Variants in UBTD2 observed in about 807,000 individuals in gnomAD.
The protein encoded by UBTD2 is ubiquitin domain-containing protein 2.
A neutral mutation model predicts 19.8 loss-of-function variants in UBTD2; 9 were observed. The ratio of observed to expected loss-of-function variants is 0.46; its 90% CI spans 0.27 to 0.79. The LOEUF (loss-of-function observed/expected upper bound fraction) is 0.79. Among genes scored for constraint, UBTD2 ranks in the 30% least tolerant of loss-of-function variants. UBTD2 has a pLI of 0.14. For missense variants in UBTD2, 250 were observed against 300.4 expected, an observed-to-expected ratio of 0.83 and a Z score of 1.24; for synonymous variants, 98 against 103.9, an observed-to-expected ratio of 0.94 and a Z score of 0.35.
intron 1 of UBTD2, among the ~76,000 whole-genome samples, chr5:172,249,275 T>C (rs1021366562): frequency 6.6e-6 from 1 of 151,274 alleles, no homozygotes; most frequent in Non-Finnish European, 1.5e-5. Context: ...GGCATGTGCC[T>C]GTAATCCCAG....
chr5:172,237,041 T>C (rs906602163), intron 1 of UBTD2, among the ~76,000 whole-genome samples: 1 of 152,202 alleles, frequency 6.6e-6, no homozygotes, highest in African/African-American at 2.4e-5. Context: ...GAACAGATGA[T>C]GCGTTTATGT....
chr5:172,257,846 AT>A (rs1260222650), intron 1 of UBTD2, among the ~76,000 whole-genome samples: 2 of 152,050 alleles, frequency 1.3e-5, no homozygotes, highest in Non-Finnish European at 2.9e-5. Context: ...TCCTTTGCCC[AT>A]TTTTTAATGG....
chr5:172,252,842 T>C (rs909650101), intron 1 of UBTD2, among the ~76,000 whole-genome samples: 6 of 152,122 alleles, frequency 3.9e-5, no homozygotes, highest in African/African-American at 1.4e-4. Context: ...ATAAAACATA[T>C]TGGTATTTTG....
chr5:172,274,134 A>G (rs897456362), intron 1 of UBTD2, among the ~76,000 whole-genome samples: 1 of 104,604 alleles, frequency 9.6e-6, no homozygotes, highest in Non-Finnish European at 1.8e-5. Flanking sequence ...ATTTTGCTTT[A>G]CTTTTTTTTT....
chr5:172,214,769 G>A (rs528678551), intron 2 of UBTD2, among the ~76,000 whole-genome samples: 4 of 151,880 alleles, frequency 2.6e-5, no homozygotes, highest in South Asian at 2.1e-4. Context: ...TATTCTTTTC[G>A]GCACTTCTTT....
chr5:172,212,514 A>G (rs527701049), intron 2 of UBTD2, among the ~76,000 whole-genome samples: 2 of 152,346 alleles, frequency 1.3e-5, no homozygotes, highest in African/African-American at 4.8e-5. Flanking sequence ...TACTAATATT[A>G]TTAATGCTTA....
At chr5:172,249,965 T>C (rs1011010286) in intron 1 of UBTD2, among the ~76,000 whole-genome samples, 4 of 152,074 alleles carry the variant, frequency 2.6e-5, no homozygotes, top group Non-Finnish European at 5.9e-5. Context: ...CACTGAAAGG[T>C]TTCCCTTCTA....
chr5:172,277,067 C>CAAAAAAA (rs56277139), intron 1 of UBTD2, among the ~76,000 whole-genome samples: 11 of 65,118 alleles, frequency 1.7e-4, no homozygotes, highest in African/African-American at 4.4e-4. Flanking sequence ...GACTCTGTCT[C>CAAAAAAA]AAAAAAAAAA....
chr5:172,253,960 GGA>G (rs1308964173), intron 1 of UBTD2, among the ~76,000 whole-genome samples: 2 of 152,166 alleles, frequency 1.3e-5, no homozygotes, highest in African/African-American at 4.8e-5. Context: ...CCCATGGTAA[GGA>G]GAGGGAGGAT....
chr5:172,278,866 C>T (rs564859531), intron 1 of UBTD2, among the ~76,000 whole-genome samples: 1 of 152,240 alleles, frequency 6.6e-6, no homozygotes, highest in East Asian at 1.9e-4. Context: ...CCTCTGCCTC[C>T]CATGTTCAAG....
chr5:172,264,576 A>AG (rs1417492034), intron 1 of UBTD2, among the ~76,000 whole-genome samples: 1 of 148,024 alleles, frequency 6.8e-6, no homozygotes, highest in Non-Finnish European at 1.5e-5. Flanking sequence ...AAAAAAAAAA[A>AG]CAAAACAACC....
chr5:172,226,014 T>C (rs571944810), intron 2 of UBTD2, among the ~76,000 whole-genome samples: 1 of 142,368 alleles, frequency 7.0e-6, no homozygotes, highest in South Asian at 2.3e-4. Context: ...CTCAGCTCAC[T>C]GCAACCTCTG....
At position 172,273,590 on chromosome 5, in the gene UBTD2, C is replaced by CAAAA. The variant is rs35687001; in HGVS notation, c.70+10002_70+10005dup. Among the ~76,000 whole-genome samples, 21 of 36,396 alleles carry CAAAA rather than the reference C, an allele frequency of 5.8e-4. 1 individual carries two copies. The highest frequency in any genetic ancestry group is 2.3e-3 in the East Asian group (2 of 862). 23.9% of individuals were successfully genotyped at this position (36,396 alleles called of 152,430 possible). On this transcript the variant is annotated intron_variant, in intron 1 of 2. Transcript: ENST00000393792. Reference sequence around the variant, plus strand: ...TGGGCGACAGAGTGAGACTCCGTCTCAAAAAAAAAAAAAAAAAAAAAAAAA... The same window carrying CAAAA: ...TGGGCGACAGAGTGAGACTCCGTCTCAAAAAAAAAAAAAAAAAAAAAAAAAAAAA...
chr5:172,261,815 G>A (rs1755275530), intron 1 of UBTD2, among the ~76,000 whole-genome samples: 1 of 152,034 alleles, frequency 6.6e-6, no homozygotes, highest in Non-Finnish European at 1.5e-5. Flanking sequence ...AACAGAGATG[G>A]GTTTCGCCAT....
chr5:172,269,072 G>A, intron 1 of UBTD2, among the ~76,000 whole-genome samples: 1 of 151,914 alleles, frequency 6.6e-6, no homozygotes, highest in East Asian at 1.9e-4. Flanking sequence ...GAGATACAAA[G>A]GAATATATAT....
chr5:172,255,707 C>G (rs1431728972), intron 1 of UBTD2, among the ~76,000 whole-genome samples: 3 of 152,272 alleles, frequency 2.0e-5, no homozygotes, highest in African/African-American at 4.8e-5. Flanking sequence ...CGGCGCCGCT[C>G]GCTCAGCAAG....
chr5:172,219,780 T>C (rs1250571001), intron 2 of UBTD2, among the ~76,000 whole-genome samples: 1 of 152,144 alleles, frequency 6.6e-6, no homozygotes, highest in Admixed American at 6.5e-5. Context: ...CAAACCCCAA[T>C]AGTTAAAACA....
rs1229452707 is a variant in UBTD2 at position 172,283,508 on chromosome 5, C to CCCGGCGCGGCCCGCGGGGGT, written c.70+68_70+87dup. 28 of 1,056,460 alleles carry CCCGGCGCGGCCCGCGGGGGT rather than the reference C, an allele frequency of 2.7e-5. No individual in the cohort carries two copies. The highest frequency in any genetic ancestry group is 6.8e-4 in the Middle Eastern group (2 of 2,950). 65.4% of individuals were successfully genotyped at this position (1,056,460 alleles called of 1,614,324 possible). On this transcript the variant is annotated intron_variant, in intron 1 of 2. Coordinates refer to ENST00000393792, the MANE Select transcript of UBTD2 (RefSeq NM_152277.3). The surrounding 1 kb of genome is among the most constrained non-coding windows in gnomAD (Gnocchi z 4.3). ...AGGGGATGACAAAGGGGCGCGGGGGCCCGGCGCGGCCCGCGGGGGTCGGGA... is the reference window on the plus strand; with the variant it reads ...AGGGGATGACAAAGGGGCGCGGGGGCCCGGCGCGGCCCGCGGGGGTCCGGCGCGGCCCGCGGGGGTCGGGA...
At chr5:172,280,745 A>C (rs1018662291) in intron 1 of UBTD2, among the ~76,000 whole-genome samples, 3 of 152,234 alleles carry the variant, frequency 2.0e-5, no homozygotes, top group African/African-American at 7.2e-5. Flanking sequence ...TATATGCCAA[A>C]GGAAAATACA....
Sources: allele counts gnomAD v4.1 joint callset (sites outside exome capture counted in the v4.1 genomes callset), GRCh38; gene constraint gnomAD v4.1.1; non-coding constraint Gnocchi (gnomAD v3.1); transcripts MANE v1.5; gene names NCBI Gene and HGNC (gene_info 2026-07-23, HGNC 2026-07-21).